Variants in PTPRK observed in about 807,000 individuals in gnomAD.
PTPRK encodes the protein protein tyrosine phosphatase receptor type K.
PTPRK carries 75 observed loss-of-function variants against 178.0 expected under a neutral mutation model. The ratio of observed to expected loss-of-function variants is 0.42; its 90% CI spans 0.35 to 0.51. The LOEUF (loss-of-function observed/expected upper bound fraction) is 0.51, where lower values mean the gene tolerates loss of function less well. Among genes scored for constraint, PTPRK ranks in the 20% least tolerant of loss-of-function variants. The pLI is 0.02. For synonymous variants in PTPRK, 637 were observed against 620.6 expected (o/e 1.03, Z -0.39); for missense variants, 1,441 against 1,797.8 (o/e 0.80, Z 3.59).
At chr6:128,404,393 C>T (rs1029675150) in intron 1 of PTPRK, among the ~76,000 whole-genome samples, 1 of 152,198 alleles carries the variant, frequency 6.6e-6, no homozygotes, top group African/African-American at 2.4e-5. Context: ...TGCATACATG[C>T]GTGCAAGTTA....
At chr6:128,326,426 C>G (rs1829576580) in intron 2 of PTPRK, among the ~76,000 whole-genome samples, 1 of 152,070 alleles carries the variant, frequency 6.6e-6, no homozygotes, top group Non-Finnish European at 1.5e-5. Context: ...ACTCATTACA[C>G]TATTTAAAAC....
intron 1 of PTPRK, chr6:128,501,066 CAG>C (rs1855493000): frequency 6.6e-6 from 1 of 152,144 alleles, no homozygotes; most frequent in South Asian, 2.1e-4. Flanking sequence ...TTAATAGAGA[CAG>C]GGTTTCACCA....
intron 25 of PTPRK, among the ~76,000 whole-genome samples, chr6:127,979,639 C>T (rs1775036117): frequency 6.6e-6 from 1 of 152,184 alleles, no homozygotes; most frequent in Non-Finnish European, 1.5e-5. Context: ...GAGAGCCTGC[C>T]TTTAGACTAT....
intron 2 of PTPRK, among the ~76,000 whole-genome samples, chr6:128,397,025 A>T (rs962180975): frequency 3.3e-5 from 5 of 152,068 alleles, no homozygotes; most frequent in African/African-American, 4.8e-5. Flanking sequence ...ACAAAAGAAC[A>T]GATCTGGCCC....
intron 1 of PTPRK, among the ~76,000 whole-genome samples, chr6:128,494,866 G>A (rs1005043030): frequency 3.3e-5 from 5 of 152,096 alleles, no homozygotes; most frequent in South Asian, 2.1e-4. Context: ...AAAGTATAGG[G>A]GAGAAAGTAA....
chr6:128,104,347 C>A (rs1789310603), intron 7 of PTPRK, among the ~76,000 whole-genome samples: 1 of 152,182 alleles, frequency 6.6e-6, no homozygotes, highest in South Asian at 2.1e-4. Context: ...CTGCCTCAGC[C>A]TCCCGAGTTG....
chr6:128,437,117 G>C (rs942872785), intron 1 of PTPRK, among the ~76,000 whole-genome samples: 3 of 152,132 alleles, frequency 2.0e-5, no homozygotes, highest in Middle Eastern at 3.2e-3. Context: ...AGCACTCTTG[G>C]TCACAAGATA....
At chr6:128,032,863 A>C (rs1775574513) in intron 13 of PTPRK, among the ~76,000 whole-genome samples, 1 of 152,188 alleles carries the variant, frequency 6.6e-6, no homozygotes, top group Admixed American at 6.6e-5. Flanking sequence ...CACGAGAAGA[A>C]GAAAAGCACC....
chr6:127,978,049 C>T (rs1171207949), intron 25 of PTPRK, among the ~76,000 whole-genome samples: 1 of 152,178 alleles, frequency 6.6e-6, no homozygotes, highest in African/African-American at 2.4e-5. Flanking sequence ...ATGCTACCAC[C>T]ATTTGGGAAA....
At chr6:128,341,902 C>T (rs1831713623) in intron 2 of PTPRK, among the ~76,000 whole-genome samples, 1 of 152,118 alleles carries the variant, frequency 6.6e-6, no homozygotes. Flanking sequence ...TGCTATGTGG[C>T]CAATTATCTT....
intron 2 of PTPRK, among the ~76,000 whole-genome samples, chr6:128,388,677 A>C (rs1482105551): frequency 6.6e-6 from 1 of 152,202 alleles, no homozygotes; most frequent in Non-Finnish European, 1.5e-5. Flanking sequence ...CAAGACATAA[A>C]ACCTTTGATA....
At chr6:128,091,131 T>A (rs1786859264) in intron 7 of PTPRK, among the ~76,000 whole-genome samples, 1 of 152,204 alleles carries the variant, frequency 6.6e-6, no homozygotes, top group Non-Finnish European at 1.5e-5. Context: ...GGCCATTTAA[T>A]TTAAAATCTT....
intron 6 of PTPRK, among the ~76,000 whole-genome samples, chr6:128,199,203 TGAAAAAGAACCAAATGTCTATCATCA>T (rs1805463123): frequency 2.0e-5 from 3 of 151,998 alleles, no homozygotes; most frequent in African/African-American, 7.2e-5. Flanking sequence ...TAGCTCAAGG[TGAAAAAGAACCAAATGTCTATCATCA>T]GAAAAATGAA....
At chr6:128,032,989 G>A (rs919618574) in intron 13 of PTPRK, among the ~76,000 whole-genome samples, 2 of 152,106 alleles carry the variant, frequency 1.3e-5, no homozygotes, top group Non-Finnish European at 2.9e-5. Flanking sequence ...TCTAAATTAC[G>A]TGATCTTCCC....
chr6:128,359,494 G>A (rs1470785097), intron 2 of PTPRK, among the ~76,000 whole-genome samples: 2 of 152,110 alleles, frequency 1.3e-5, no homozygotes, highest in East Asian at 1.9e-4. Flanking sequence ...GCTCACGCCT[G>A]TAATCCCAGC....
At position 127,981,103 on chromosome 6, in the gene PTPRK, G is replaced by T; in HGVS notation, c.3711+13C>A. 6.2e-7 allele frequency: 1 copy of T among 1,610,664 alleles called. No individual in the cohort carries two copies. The highest frequency in any genetic ancestry group is 8.5e-7 in the Non-Finnish European group (1 of 1,177,594). On this transcript the variant is annotated intron_variant, in intron 25 of 29. Coordinates refer to ENST00000368226, the MANE Select transcript of PTPRK (RefSeq NM_002844.4). ...CACAACACTCTACACTAACAAAGAG[G>T]GCAGTCTCTTACGTCCATAAGAGCA...
At chr6:128,375,058 CATTATTATT>C (rs58185524) in intron 2 of PTPRK, among the ~76,000 whole-genome samples, 1,788 of 132,264 alleles carry the variant, frequency 0.014, 9 homozygotes, top group African/African-American at 0.016. Context: ...AGAAACACTG[CATTATTATT>C]ATTATTATTA....
intron 6 of PTPRK, among the ~76,000 whole-genome samples, chr6:128,187,842 G>T (rs570429670): frequency 9.2e-5 from 14 of 152,030 alleles, no homozygotes; most frequent in Admixed American, 5.9e-4. Flanking sequence ...GCATTAATGA[G>T]GCTAATATAC....
At chr6:128,333,982 T>C (rs924131666) in intron 2 of PTPRK, among the ~76,000 whole-genome samples, 2 of 152,134 alleles carry the variant, frequency 1.3e-5, no homozygotes, top group African/African-American at 4.8e-5. Context: ...TCAATATTGT[T>C]GTGTCTCAGA....
Sources: allele counts gnomAD v4.1 joint callset (sites outside exome capture counted in the v4.1 genomes callset), GRCh38; gene constraint gnomAD v4.1.1; transcripts MANE v1.5; gene names NCBI Gene and HGNC (gene_info 2026-07-23, HGNC 2026-07-21).